Variants in TMEM68 observed in about 807,000 individuals in gnomAD.
TMEM68 encodes transmembrane protein 68, also known as DGAT1/2-independent enzyme synthesizing storage lipids.
Under a neutral mutation model 36.9 loss-of-function variants are expected in TMEM68, and 25 were observed. The ratio of observed to expected loss-of-function variants is 0.68; its 90% CI spans 0.49 to 0.95. TMEM68 has a LOEUF of 0.95. Among genes scored for constraint, TMEM68 ranks in the 40% least tolerant of loss-of-function variants. The pLI is 0.00. For synonymous variants in TMEM68, 131 were observed against 124.4 expected, an observed-to-expected ratio of 1.05 and a Z score of -0.35; for missense variants, 333 against 392.0, an observed-to-expected ratio of 0.85 and a Z score of 1.27.
chr8:55,749,690 T>C (rs747663080), intron 5 of TMEM68, among the ~76,000 whole-genome samples: 12 of 152,160 alleles, frequency 7.9e-5, no homozygotes, highest in East Asian at 3.8e-4. Flanking sequence ...ATCTGCAACA[T>C]TGGAATAATT....
At chr8:55,745,000 C>A (rs1779885224) in intron 6 of TMEM68, 61 bp downstream of exon 6, 1 of 1,139,958 alleles carries the variant, frequency 8.8e-7, no homozygotes, top group South Asian at 1.8e-5. Flanking sequence ...TTGTAGGGTT[C>A]AACAGCCCAA....
chr8:55,745,593 T>C (rs1810246625), intron 5 of TMEM68: 1 of 152,248 alleles, frequency 6.6e-6, no homozygotes, highest in African/African-American at 2.4e-5. Context: ...CAGTAATCAT[T>C]AATTTCACTA....
At chr8:55,769,018 TAAAAAAAAAAAAAA>T (rs200493179) in intron 1 of TMEM68, among the ~76,000 whole-genome samples, 1 of 82,094 alleles carries the variant, frequency 1.2e-5, no homozygotes, top group East Asian at 3.5e-4. Flanking sequence ...ACTCTGTCTT[TAAAAAAAAAAAAAA>T]AAAAAAAAAG....
At chr8:55,759,740 T>C (rs1810725518) in intron 3 of TMEM68, among the ~76,000 whole-genome samples, 1 of 152,202 alleles carries the variant, frequency 6.6e-6, no homozygotes, top group Non-Finnish European at 1.5e-5. Context: ...ACTTCATTTT[T>C]ATGTATTTAA....
chr8:55,758,394 G>A (rs573572048), intron 3 of TMEM68, among the ~76,000 whole-genome samples: 2 of 152,058 alleles, frequency 1.3e-5, no homozygotes, highest in South Asian at 4.1e-4. Flanking sequence ...TACAAACAAT[G>A]GCCAGAATTC....
intron 1 of TMEM68, among the ~76,000 whole-genome samples, chr8:55,772,578 G>C (rs565112676): frequency 6.6e-6 from 1 of 152,246 alleles, no homozygotes; most frequent in Admixed American, 6.5e-5. Context: ...AGCACTTAAC[G>C]CCTACAAGGT....
In TMEM68 at chr8:55,767,082, TCG is replaced by T. The variant is rs1324342819; in HGVS notation, c.-114-3104_-114-3103del. 4.5e-4 allele frequency among the ~76,000 whole-genome samples: 34 copies of T among 76,044 alleles called. 3 individuals carry two copies. In the East Asian group the frequency reaches 0.013, roughly 30 times the overall value. 49.9% of individuals were successfully genotyped at this position (76,044 alleles called of 152,430 possible). A position where few individuals can be genotyped will look rare whatever the true frequency, so the allele number is the denominator to read the frequency against. On this transcript the variant is annotated intron_variant, in intron 1 of 7. Transcript: ENST00000434581. ...AAATAGCATCTACCTAATAAGACTA[TCG>T]TGAAGATTACGTGTAAAAAAACCTA...
intron 3 of TMEM68, among the ~76,000 whole-genome samples, chr8:55,759,391 T>C (rs534565771): frequency 3.1e-4 from 47 of 151,622 alleles, no homozygotes; most frequent in African/African-American, 1.1e-3. Context: ...GCCAACATGG[T>C]GAAACCCCAT....
At chr8:55,752,721 CTT>C (rs61195952) in intron 4 of TMEM68, among the ~76,000 whole-genome samples, 14,599 of 103,042 alleles carry the variant, frequency 0.14, 702 homozygotes, top group Middle Eastern at 0.22. Flanking sequence ...TATAGGATCC[CTT>C]TTTTTTTTTT....
chr8:55,754,800 TAATA>T (rs1441675277), intron 4 of TMEM68, among the ~76,000 whole-genome samples: 1 of 102,088 alleles, frequency 9.8e-6, no homozygotes, highest in Non-Finnish European at 2.0e-5. Flanking sequence ...AATACATATA[TAATA>T]TATATTTATA....
chr8:55,761,674 A>G (rs1302290256), intron 3 of TMEM68: 1 of 152,216 alleles, frequency 6.6e-6, no homozygotes, highest in Non-Finnish European at 1.5e-5. Flanking sequence ...TGGCATAGGT[A>G]GGTGCTCAAA....
At chr8:55,764,063 TATAAA>T (rs943109885) in intron 1 of TMEM68, 83 bp from the exon 2 acceptor site, 1 of 152,186 alleles carries the variant, frequency 6.6e-6, no homozygotes, top group African/African-American at 2.4e-5. Context: ...TTAGCATTTC[TATAAA>T]ATAAACAGCA....
At chr8:55,762,566 G>A (rs753280717) in intron 3 of TMEM68, 69 bp downstream of exon 3, 2 of 1,593,828 alleles carry the variant, frequency 1.3e-6, no homozygotes, top group East Asian at 2.2e-5. Flanking sequence ...TCAATAAAAT[G>A]GAATGGTAAC....
chr8:55,752,378 G>T (rs1810446873), intron 4 of TMEM68, among the ~76,000 whole-genome samples: 1 of 152,014 alleles, frequency 6.6e-6, no homozygotes, highest in Admixed American at 6.6e-5. Flanking sequence ...CCTGAGGTCA[G>T]GAGTTTGAGA....
chr8:55,756,459 G>T (rs111707710), intron 3 of TMEM68, 48 bp from the exon 4 acceptor site: 2 of 1,493,228 alleles, frequency 1.3e-6, no homozygotes, highest in South Asian at 1.4e-5. Context: ...TCATTAATTC[G>T]TTTACAGTAA....
Position 55,740,159 on chromosome 8 carries a change from CA to C in TMEM68, c.947del (p.Met316ArgfsTer5). 1 of 1,613,462 alleles carries C rather than the reference CA, an allele frequency of 6.2e-7. No homozygotes were observed. The highest frequency in any genetic ancestry group is 1.1e-5 in the South Asian group (1 of 91,010). ...AATGAAAACGTTCTAACAAAGCACT[CA>C]TAATGTTTCCTGGTATTCTTTGGTG... ...DKHQRIPGNI[M>X]SALLERFH is the part of the protein sequence containing the mutation. On this transcript the variant is annotated frameshift_variant, in exon 8 of 8. Transcript: ENST00000434581. LOFTEE classifies it high-confidence loss of function.
intron 7 of TMEM68, among the ~76,000 whole-genome samples, chr8:55,741,045 C>T (rs1810085527): frequency 6.6e-6 from 1 of 152,018 alleles, no homozygotes; most frequent in African/African-American, 2.4e-5. Context: ...AGCAGCCTGA[C>T]CAACATGGTG....
At chr8:55,750,210 A>G (rs1198465381) in intron 5 of TMEM68, among the ~76,000 whole-genome samples, 1 of 152,094 alleles carries the variant, frequency 6.6e-6, no homozygotes, top group East Asian at 1.9e-4. Context: ...TTTGTATTCT[A>G]TATTATTCAT....
chr8:55,756,055 T>C (rs1810597462), intron 4 of TMEM68, among the ~76,000 whole-genome samples, 189 bp downstream of exon 4: 1 of 152,172 alleles, frequency 6.6e-6, no homozygotes, highest in Non-Finnish European at 1.5e-5. Context: ...ACAATGTCTT[T>C]ATTTTTAGAT....
Sources: allele counts gnomAD v4.1 joint callset (sites outside exome capture counted in the v4.1 genomes callset), GRCh38; gene constraint gnomAD v4.1.1; transcripts MANE v1.5; gene names NCBI Gene and HGNC (gene_info 2026-07-23, HGNC 2026-07-21).